The following ADAMTS16 variants were observed in gnomAD, a reference collection of about 807,000 sequenced individuals.
ADAMTS16 encodes ADAM metallopeptidase with thrombospondin type 1 motif 16, also known as A disintegrin and metalloproteinase with thrombospondin motifs 16.
Under a neutral mutation model 145.8 loss-of-function variants are expected in ADAMTS16, and 94 were observed. The observed-to-expected ratio is 0.64, with a 90% CI of 0.55 to 0.77. ADAMTS16 has a LOEUF of 0.77. ADAMTS16 is among the 30% of genes least tolerant of loss of function. The probability of loss-of-function intolerance (pLI) is 0.00; values close to 1 mark genes in which losing one functional copy is unlikely to be tolerated. For synonymous variants in ADAMTS16, 659 were observed against 604.3 expected, an observed-to-expected ratio of 1.09 and a Z score of -1.33; for missense variants, 1,585 against 1,591.5, an observed-to-expected ratio of 1.00 and a Z score of 0.07.
intron 18 of ADAMTS16, among the ~76,000 whole-genome samples, chr5:5,294,798 A>G (rs1739465958): frequency 6.6e-6 from 1 of 152,188 alleles, no homozygotes; most frequent in African/African-American, 2.4e-5. Context: ...TCCCACTTCT[A>G]GGATGACAGG....
chr5:5,152,296 G>C (rs1734490027), intron 3 of ADAMTS16, among the ~76,000 whole-genome samples: 1 of 152,228 alleles, frequency 6.6e-6, no homozygotes, highest in South Asian at 2.1e-4. Flanking sequence ...TATGAGCAGA[G>C]CTCCGGTGGG....
At position 5,282,668 on chromosome 5, in the gene ADAMTS16, ATGTTT is replaced by A. The variant is rs544516170; in HGVS notation, c.2789+19887_2789+19891del. Among the ~76,000 whole-genome samples, 129 of 152,332 alleles carry A rather than the reference ATGTTT, an allele frequency of 8.5e-4. 1 individual carries two copies. Among genetic ancestry groups the A allele is most frequent in the South Asian group, 2.1e-3 (10 of 4,832 alleles). On this transcript the variant is annotated intron_variant, in intron 18 of 22. Transcript: ENST00000274181. ...TTAGAAGGTTTAGGGCTCTTCCTGA[ATGTTT>A]TTCCCAGAAGAAATATATATTCTTG...
At chr5:5,143,983 G>T (rs1734230732) in intron 2 of ADAMTS16, among the ~76,000 whole-genome samples, 1 of 149,402 alleles carries the variant, frequency 6.7e-6, no homozygotes. Context: ...TTGTTGGGGG[G>T]TGAGGGGCAA....
Position 5,187,746 on chromosome 5 carries a change from G to A in ADAMTS16, c.985G>A (p.Gly329Arg), listed in dbSNP as rs1735546972. The change falls in exon 6 of 23, where the codon GGA becomes AGA. Residue 329 changes from glycine to arginine, a missense_variant. This residue lies in a region of ADAMTS16 where 298 missense variants were observed against 367.6 expected (regional missense o/e 0.81). Coordinates refer to ENST00000274181, the MANE Select transcript of ADAMTS16 (RefSeq NM_139056.4). Reference sequence around the variant, plus strand: ...TCAGGTATCTGCTTTATTCAAAGATGGAACAATAGGAGGAAACATCAACAT... The same window carrying A: ...TCAGGTATCTGCTTTATTCAAAGATAGAACAATAGGAGGAAACATCAACAT... ...LNMVSALFKD[G>R]TIGGNINIAI... is the part of the protein sequence containing the mutation. 1 of 1,611,800 alleles carries A rather than the reference G, an allele frequency of 6.2e-7. No homozygotes were observed. The highest frequency in any genetic ancestry group is 1.1e-5 in the South Asian group (1 of 90,900).
At chr5:5,304,812 C>T (rs569194612) in intron 20 of ADAMTS16, among the ~76,000 whole-genome samples, 1 of 152,142 alleles carries the variant, frequency 6.6e-6, no homozygotes, top group South Asian at 2.1e-4. Context: ...CAGAACTGAA[C>T]GCACTGTCAT....
chr5:5,206,537 T>G (rs1196642227), intron 9 of ADAMTS16, among the ~76,000 whole-genome samples: 1 of 149,914 alleles, frequency 6.7e-6, no homozygotes, highest in Non-Finnish European at 1.5e-5. Context: ...TGGAGTGCAG[T>G]GGTATGATCT....
At chr5:5,192,924 G>C (rs970670973) in intron 8 of ADAMTS16, among the ~76,000 whole-genome samples, 3 of 152,116 alleles carry the variant, frequency 2.0e-5, no homozygotes, top group Admixed American at 6.5e-5. Context: ...CCACCAACTG[G>C]AATGCAAATC....
At chr5:5,199,096 TG>T (rs770518473) in intron 8 of ADAMTS16, among the ~76,000 whole-genome samples, 2 of 152,134 alleles carry the variant, frequency 1.3e-5, no homozygotes, top group Non-Finnish European at 2.9e-5. Flanking sequence ...GGAAGTATGT[TG>T]TGTTCTTCTG....
intron 3 of ADAMTS16, among the ~76,000 whole-genome samples, chr5:5,160,034 A>G (rs1734700697): frequency 6.6e-6 from 1 of 152,230 alleles, no homozygotes; most frequent in South Asian, 2.1e-4. Flanking sequence ...AGAATGATGG[A>G]TTGCAGCTAC....
intron 18 of ADAMTS16, among the ~76,000 whole-genome samples, chr5:5,287,185 A>C (rs1250562224): frequency 6.6e-6 from 1 of 152,072 alleles, no homozygotes; most frequent in East Asian, 1.9e-4. Context: ...AAGAAAGATG[A>C]CTCCAATGTC....
chr5:5,162,491 T>G (rs1227829362), intron 3 of ADAMTS16, among the ~76,000 whole-genome samples: 2 of 152,182 alleles, frequency 1.3e-5, no homozygotes, highest in Non-Finnish European at 2.9e-5. Flanking sequence ...GGAGTCTAAT[T>G]GATTGTTTGG....
At chr5:5,215,870 GTATATA>G (rs55703329) in intron 10 of ADAMTS16, among the ~76,000 whole-genome samples, 8,695 of 101,428 alleles carry the variant, frequency 0.086, 524 homozygotes, top group Admixed American at 0.13. Context: ...GTGTGTATGT[GTATATA>G]TATATATATA....
intron 12 of ADAMTS16, among the ~76,000 whole-genome samples, chr5:5,234,381 C>T (rs1299837453): frequency 6.6e-6 from 1 of 152,172 alleles, no homozygotes; most frequent in Admixed American, 6.5e-5. Flanking sequence ...AAAGTGTGGT[C>T]CTCCTCAATC....
chr5:5,250,068 A>C (rs1579341432), intron 17 of ADAMTS16, among the ~76,000 whole-genome samples: 1 of 152,222 alleles, frequency 6.6e-6, no homozygotes, highest in East Asian at 1.9e-4. Flanking sequence ...GTGTGTGTCC[A>C]CTGAGTCTGA....
chr5:5,320,086 CT>C lies in ADAMTS16; in HGVS notation c.*958del, dbSNP rs59154430. On this transcript the variant is annotated 3_prime_UTR_variant, in exon 23 of 23. Coordinates refer to ENST00000274181, the MANE Select transcript of ADAMTS16 (RefSeq NM_139056.4). This position sits in a 1 kb window ranked among gnomAD's most constrained non-coding sequence, Gnocchi z 5.1. ...TTTTTGTGTGTTGTGAGATTTTAAT[CT>C]TTTTTTTTTCGGTGAGTCTGGCCAT... 30 of 269,804 alleles carry C rather than the reference CT, an allele frequency of 1.1e-4. No individual in the cohort carries two copies. Among genetic ancestry groups the C allele is most frequent in the South Asian group, 3.3e-4 (10 of 30,092 alleles). The allele number at this position is 269,804 out of a possible 1,614,324, so 16.7% of individuals were successfully genotyped here. A position where few individuals can be genotyped will look rare whatever the true frequency, so the allele number is the denominator to read the frequency against.
chr5:5,240,497 C>T (rs909613365), intron 16 of ADAMTS16, among the ~76,000 whole-genome samples: 1 of 152,230 alleles, frequency 6.6e-6, no homozygotes, highest in African/African-American at 2.4e-5. Context: ...ACACCATCCT[C>T]GCATGCGACT....
chr5:5,231,097 C>T (rs1736907942), intron 11 of ADAMTS16, among the ~76,000 whole-genome samples: 1 of 152,144 alleles, frequency 6.6e-6, no homozygotes, highest in Non-Finnish European at 1.5e-5. Flanking sequence ...GTCCCCACAC[C>T]TGTAGGATGC....
chr5:5,237,200 C>G, intron 14 of ADAMTS16, 101 bp downstream of exon 14: 4 of 1,303,212 alleles, frequency 3.1e-6, no homozygotes, highest in African/African-American at 1.5e-5. Flanking sequence ...TGAGACAAGC[C>G]TTTCCCTCTA....
intron 9 of ADAMTS16, among the ~76,000 whole-genome samples, chr5:5,201,723 G>A (rs187073828): frequency 2.1e-4 from 32 of 152,210 alleles, no homozygotes; most frequent in Admixed American, 1.4e-3. Flanking sequence ...CCCCAGGCTA[G>A]GAAACGAGAT....
Sources: allele counts gnomAD v4.1 joint callset (sites outside exome capture counted in the v4.1 genomes callset), GRCh38; gene constraint gnomAD v4.1.1; regional missense constraint gnomAD v4.1.1; non-coding constraint Gnocchi (gnomAD v3.1); transcripts MANE v1.5; gene names NCBI Gene and HGNC (gene_info 2026-07-23, HGNC 2026-07-21).